IFTAP: variants seen among roughly 807,000 people sequenced by gnomAD.
The protein encoded by IFTAP is intraflagellar transport associated protein.
In IFTAP, 19 loss-of-function variants were observed where a neutral mutation model predicts 19.4. The observed-to-expected ratio is 0.98, with a 90% confidence interval of 0.68 to 1.44. IFTAP has a LOEUF of 1.44. Ranked by LOEUF, IFTAP falls within the 40% of genes most tolerant of loss-of-function variation. The pLI is 0.00. For missense variants in IFTAP, 240 were observed against 253.6 expected (o/e 0.95, Z 0.36); for synonymous variants, 85 against 83.5 (o/e 1.02, Z -0.10).
At chr11:36,651,018 G>A (rs1162713925) in intron 5 of IFTAP, among the ~76,000 whole-genome samples, 2 of 152,150 alleles carry the variant, frequency 1.3e-5, no homozygotes, top group African/African-American at 4.8e-5. Context: ...ATAAACATAC[G>A]TGTGCATGTG....
intron 2 of IFTAP, among the ~76,000 whole-genome samples, chr11:36,613,680 C>G (rs1851953868): frequency 6.6e-6 from 1 of 151,920 alleles, no homozygotes; most frequent in Non-Finnish European, 1.5e-5. Context: ...ACTACTGAAC[C>G]CAAACTTGCC....
At chr11:36,621,142 G>GT (rs1288195519) in intron 2 of IFTAP, among the ~76,000 whole-genome samples, 3 of 151,982 alleles carry the variant, frequency 2.0e-5, no homozygotes, top group Admixed American at 6.6e-5. Context: ...GTTGCTAAGT[G>GT]TATCATTACT....
intron 5 of IFTAP, 156 bp downstream of exon 5, chr11:36,648,311 A>G: frequency 1.2e-6 from 1 of 861,604 alleles, no homozygotes; most frequent in East Asian, 2.7e-5. Context: ...TCTATCTCAA[A>G]TGCATACATT....
At chr11:36,651,677 T>C (rs1853734486) in intron 5 of IFTAP, among the ~76,000 whole-genome samples, 1 of 152,264 alleles carries the variant, frequency 6.6e-6, no homozygotes, top group Non-Finnish European at 1.5e-5. Context: ...AGGGTTTTTA[T>C]GGTTTTAGGT....
At chr11:36,638,930 A>C (rs1850205532) in intron 4 of IFTAP, among the ~76,000 whole-genome samples, 1 of 152,192 alleles carries the variant, frequency 6.6e-6, no homozygotes, top group Admixed American at 6.5e-5. Flanking sequence ...TTTTCAGTGG[A>C]GCCAACTCTA....
intron 1 of IFTAP, among the ~76,000 whole-genome samples, chr11:36,595,527 T>C (rs1188054191): frequency 6.6e-6 from 1 of 152,232 alleles, no homozygotes; most frequent in African/African-American, 2.4e-5. Flanking sequence ...TCAAAAGCAG[T>C]ATAAACAATG....
intron 2 of IFTAP, among the ~76,000 whole-genome samples, chr11:36,621,453 C>A (rs1243576915): frequency 2.0e-5 from 3 of 151,888 alleles, no homozygotes; most frequent in Non-Finnish European, 4.4e-5. Context: ...TTAAGTGACG[C>A]CCATCAGCTT....
chr11:36,641,053 A>G (rs1846247), intron 4 of IFTAP, among the ~76,000 whole-genome samples: 1,818 of 152,186 alleles, frequency 0.012, 31 homozygotes, highest in African/African-American at 0.041. Flanking sequence ...CAACTATATA[A>G]AAAGACTATT....
intron 2 of IFTAP, among the ~76,000 whole-genome samples, chr11:36,624,648 A>G (rs1590214210): frequency 6.6e-6 from 1 of 152,256 alleles, no homozygotes; most frequent in Non-Finnish European, 1.5e-5. Flanking sequence ...TGCTTCCTTG[A>G]TATGGTAGCT....
intron 2 of IFTAP, among the ~76,000 whole-genome samples, chr11:36,610,775 T>C (rs1237118420): frequency 6.6e-6 from 1 of 152,118 alleles, no homozygotes; most frequent in Non-Finnish European, 1.5e-5. Context: ...TAATACATAA[T>C]AAGTACTTAC....
rs35845972 is a variant in IFTAP at position 36,623,356 on chromosome 11, T to TCC, written c.137-9920_137-9919dup. On this transcript the variant is annotated intron_variant, in intron 2 of 5. Transcript: ENST00000334307. ...TGTAGCTTTCATGAAATTGTGATAC[T>TCC]CCCCCCCCCACTCAAAGCATAAGAA... Among the ~76,000 whole-genome samples the TCC allele has an allele frequency of 3.9e-3, 580 of 148,930 alleles. 5 individuals carry two copies. The highest frequency in any genetic ancestry group is 0.021 in the Admixed American group (309 of 14,824).
At chr11:36,646,324 C>G (rs1853480785) in intron 4 of IFTAP, among the ~76,000 whole-genome samples, 2 of 152,174 alleles carry the variant, frequency 1.3e-5, no homozygotes, top group African/African-American at 4.8e-5. Flanking sequence ...GAGGCCCAAG[C>G]CTGTCTCTTG....
At chr11:36,639,915 T>G (rs914233590) in intron 4 of IFTAP, among the ~76,000 whole-genome samples, 1 of 152,164 alleles carries the variant, frequency 6.6e-6, no homozygotes, top group Admixed American at 6.5e-5. Context: ...AAAAGTTCAT[T>G]CCTAATTTGC....
intron 4 of IFTAP, among the ~76,000 whole-genome samples, chr11:36,639,868 A>C (rs768915203): frequency 6.6e-6 from 1 of 152,234 alleles, no homozygotes; most frequent in African/African-American, 2.4e-5. Flanking sequence ...GAGCAAGTGC[A>C]TACAAATGAT....
At chr11:36,630,960 T>C (rs1193834275) in intron 2 of IFTAP, among the ~76,000 whole-genome samples, 1 of 151,332 alleles carries the variant, frequency 6.6e-6, no homozygotes, top group East Asian at 1.9e-4. Flanking sequence ...ATGCCTATCT[T>C]GCTCTACTCT....
chr11:36,645,210 A>G (rs945198973), intron 4 of IFTAP, among the ~76,000 whole-genome samples: 8 of 152,136 alleles, frequency 5.3e-5, no homozygotes, highest in Non-Finnish European at 8.8e-5. Context: ...CTCACTTTGT[A>G]CCAGTGTGTT....
At chr11:36,638,959 C>T (rs888813819) in intron 4 of IFTAP, among the ~76,000 whole-genome samples, 2 of 152,192 alleles carry the variant, frequency 1.3e-5, no homozygotes, top group African/African-American at 4.8e-5. Context: ...TGGTATTAAG[C>T]AGTTTTCTGA....
chr11:36,640,634 A>G (rs980948809), intron 4 of IFTAP, among the ~76,000 whole-genome samples: 1 of 152,196 alleles, frequency 6.6e-6, no homozygotes, highest in Non-Finnish European at 1.5e-5. Context: ...CTAATAACTA[A>G]TAGTATTCAT....
chr11:36,612,330 C>T (rs1226582837), intron 2 of IFTAP, among the ~76,000 whole-genome samples: 1 of 150,850 alleles, frequency 6.6e-6, no homozygotes, highest in Admixed American at 6.6e-5. Flanking sequence ...ACATTATAAA[C>T]TAATGACCTG....
Sources: gnomAD v4.1 joint callset for allele counts (sites outside exome capture counted in the v4.1 genomes callset) on GRCh38, gnomAD v4.1.1 for gene constraint, MANE v1.5 for transcripts, NCBI Gene and HGNC (gene_info 2026-07-23, HGNC 2026-07-21) for gene names.